Variants in DENND1A observed in about 807,000 individuals in gnomAD.
DENND1A encodes the protein DENN domain containing 1A, also known as DENN domain-containing protein 1A.
DENND1A carries 51 observed loss-of-function variants against 113.7 expected under a neutral mutation model. That is an observed-to-expected ratio of 0.45 (90% CI 0.36 to 0.57). The LOEUF (loss-of-function observed/expected upper bound fraction) is 0.57, where lower values mean the gene tolerates loss of function less well. Ranked by LOEUF, DENND1A falls within the 20% of genes least tolerant of loss-of-function variation. DENND1A has a pLI of 0.00. For synonymous variants in DENND1A, 565 were observed against 570.8 expected (o/e 0.99, Z 0.14); for missense variants, 1,258 against 1,395.9 (o/e 0.90, Z 1.57).
chr9:123,716,719 T>G (rs2066999493), intron 5 of DENND1A, among the ~76,000 whole-genome samples: 1 of 152,238 alleles, frequency 6.6e-6, no homozygotes. Flanking sequence ...CAAAATTAAT[T>G]GCCTTTGTGA....
At chr9:123,711,481 T>TA (rs1233510468) in intron 5 of DENND1A, among the ~76,000 whole-genome samples, 1 of 89,094 alleles carries the variant, frequency 1.1e-5, no homozygotes, top group Non-Finnish European at 2.0e-5. Context: ...AATAATAAAT[T>TA]AAAAAATATA....
At chr9:123,553,162 T>G (rs2057209856) in intron 13 of DENND1A, among the ~76,000 whole-genome samples, 1 of 152,156 alleles carries the variant, frequency 6.6e-6, no homozygotes, top group Non-Finnish European at 1.5e-5. Flanking sequence ...GAGGCTGATG[T>G]GGGAGGATCA....
chr9:123,903,794 G>C (rs1038439204), intron 1 of DENND1A, among the ~76,000 whole-genome samples: 1 of 152,188 alleles, frequency 6.6e-6, no homozygotes, highest in African/African-American at 2.4e-5. Context: ...GAGGCTGGGG[G>C]AGGGGCGCCC....
At position 123,445,835 on chromosome 9, in the gene DENND1A, C is replaced by A. The variant is rs150320259; in HGVS notation, c.1356+4858G>T. 1.3e-3 allele frequency among the ~76,000 whole-genome samples: 198 copies of A among 152,290 alleles called. 1 individual carries two copies. The Middle Eastern group carries it at 0.017, about 13-fold the overall frequency. On this transcript the variant is annotated intron_variant, in intron 18 of 23. Coordinates refer to ENST00000394215, the MANE Select transcript of DENND1A (RefSeq NM_001352964.2). ...TGAGCTGAGATCACACCACTGCACTCCAGCCTGGGCAACAGAGTGAGACGC... is the reference window on the plus strand; with the variant it reads ...TGAGCTGAGATCACACCACTGCACTACAGCCTGGGCAACAGAGTGAGACGC...
intron 2 of DENND1A, among the ~76,000 whole-genome samples, chr9:123,802,366 G>A (rs1834818357): frequency 6.6e-6 from 1 of 152,020 alleles, no homozygotes; most frequent in Admixed American, 6.6e-5. Flanking sequence ...CTGGTCACCA[G>A]ACCATGCCCT....
At chr9:123,640,582 T>G (rs1458390311) in intron 9 of DENND1A, among the ~76,000 whole-genome samples, 3 of 152,246 alleles carry the variant, frequency 2.0e-5, no homozygotes, top group Non-Finnish European at 4.4e-5. Context: ...TTCAGAAGTC[T>G]CCTAGGATCT....
chr9:123,912,148 G>T (rs1854108783), intron 1 of DENND1A, among the ~76,000 whole-genome samples: 1 of 152,106 alleles, frequency 6.6e-6, no homozygotes, highest in Admixed American at 6.5e-5. Flanking sequence ...GTACTTTACT[G>T]TATGTAAATG....
intron 13 of DENND1A, among the ~76,000 whole-genome samples, chr9:123,464,658 T>C (rs2048788812): frequency 6.6e-6 from 1 of 152,108 alleles, no homozygotes; most frequent in South Asian, 2.1e-4. Flanking sequence ...TGGAACAATG[T>C]GAATATACTT....
chr9:123,731,257 T>A (rs780190488), intron 5 of DENND1A, among the ~76,000 whole-genome samples: 61 of 151,942 alleles, frequency 4.0e-4, no homozygotes, highest in Non-Finnish European at 7.9e-4. Context: ...AAGTATAATT[T>A]AAAAAAAAAT....
chr9:123,656,364 G>C (rs1343900890), intron 8 of DENND1A, among the ~76,000 whole-genome samples: 2 of 152,210 alleles, frequency 1.3e-5, no homozygotes, highest in Non-Finnish European at 2.9e-5. Context: ...GGACAGATAA[G>C]AGGGCAAACA....
intron 16 of DENND1A, among the ~76,000 whole-genome samples, chr9:123,452,772 G>A (rs906652557): frequency 6.6e-6 from 1 of 152,276 alleles, no homozygotes; most frequent in African/African-American, 2.4e-5. Context: ...CCAAGCCGGG[G>A]CAGAAAGTGG....
At chr9:123,580,531 T>C (rs2136647674) in intron 12 of DENND1A, among the ~76,000 whole-genome samples, 1 of 152,370 alleles carries the variant, frequency 6.6e-6, no homozygotes, top group East Asian at 1.9e-4. Flanking sequence ...CACTCCATGG[T>C]TTCTGAGCTG....
chr9:123,652,271 C>A, intron 8 of DENND1A, 148 bp from the exon 9 acceptor site: 1 of 642,036 alleles, frequency 1.6e-6, no homozygotes, highest in Non-Finnish European at 2.6e-6. Flanking sequence ...GAGGCCAAAT[C>A]CCCACATGTG....
chr9:123,473,157 C>T (rs1025667551), intron 13 of DENND1A, among the ~76,000 whole-genome samples: 5 of 152,184 alleles, frequency 3.3e-5, no homozygotes, highest in African/African-American at 7.2e-5. Flanking sequence ...TCAGAGCAAG[C>T]GCTCTGATGC....
intron 2 of DENND1A, among the ~76,000 whole-genome samples, chr9:123,816,752 T>C (rs1265417697): frequency 1.3e-5 from 2 of 152,204 alleles, no homozygotes; most frequent in Non-Finnish European, 2.9e-5. Context: ...TCTGTACAAC[T>C]TTCCAAGCTC....
At chr9:123,618,438 C>T (rs1343136492) in intron 10 of DENND1A, among the ~76,000 whole-genome samples, 1 of 152,200 alleles carries the variant, frequency 6.6e-6, no homozygotes, top group Non-Finnish European at 1.5e-5. Flanking sequence ...AAATGGAAAA[C>T]CAGGCCAATG....
intron 2 of DENND1A, among the ~76,000 whole-genome samples, chr9:123,811,313 T>C (rs780190228): frequency 1.3e-5 from 2 of 152,242 alleles, no homozygotes; most frequent in African/African-American, 2.4e-5. Context: ...GGGAAACATC[T>C]GGAGACTGAA....
chr9:123,628,897 C>T (rs1423905841), intron 10 of DENND1A, among the ~76,000 whole-genome samples: 4 of 152,198 alleles, frequency 2.6e-5, no homozygotes, highest in Non-Finnish European at 5.9e-5. Context: ...TAAGATAACT[C>T]ACCTTGATAA....
chr9:123,710,374 A>G (rs2066496409), intron 5 of DENND1A, among the ~76,000 whole-genome samples: 1 of 152,230 alleles, frequency 6.6e-6, no homozygotes, highest in African/African-American at 2.4e-5. Context: ...GTTACAGGCA[A>G]CAATCAACTG....
Sources: allele counts gnomAD v4.1 joint callset (sites outside exome capture counted in the v4.1 genomes callset), GRCh38; gene constraint gnomAD v4.1.1; transcripts MANE v1.5; gene names NCBI Gene and HGNC (gene_info 2026-07-23, HGNC 2026-07-21).